The following EYS variants were observed in gnomAD, a reference collection of about 807,000 sequenced individuals.
EYS encodes the protein EGF-like photoreceptor maintenance factor, also known as protein eyes shut homolog.
A neutral mutation model predicts 282.1 loss-of-function variants in EYS; 250 were observed. That is an observed-to-expected ratio of 0.89 (90% confidence interval 0.80 to 0.98). The LOEUF is 0.98. Ranked by LOEUF, EYS falls within the 50% of genes least tolerant of loss-of-function variation. The probability of loss-of-function intolerance (pLI) is 0.00; values close to 1 mark genes in which losing one functional copy is unlikely to be tolerated. For missense variants in EYS, 4,016 were observed against 3,709.0 expected (o/e 1.08, Z -2.15); for synonymous variants, 1,355 against 1,282.9 (o/e 1.06, Z -1.20).
chr6:64,748,369 G>A (rs966040397), intron 22 of EYS, among the ~76,000 whole-genome samples: 4 of 152,170 alleles, frequency 2.6e-5, no homozygotes, highest in Admixed American at 6.5e-5. Context: ...GGGTGAGGAG[G>A]AACGGTTTCA....
chr6:64,825,258 G>A lies in EYS; in HGVS notation c.2993-2436C>T, dbSNP rs141927012. On this transcript the variant is annotated intron_variant, in intron 19 of 42. Transcript: ENST00000503581. The stretch of plus-strand genomic sequence containing the variant: ...CCACACAATACAAAATTGCATTCTC[G>A]TCTTAATCCGCAATTGCCATTATCC... Among the ~76,000 whole-genome samples the A allele has an allele frequency of 7.2e-5, 11 of 151,834 alleles. No individual in the cohort carries two copies. In the South Asian group the frequency reaches 1.2e-3, roughly 17 times the overall value.
intron 12 of EYS, among the ~76,000 whole-genome samples, chr6:65,266,887 CAT>C (rs10571039): frequency 0.15 from 20,431 of 139,232 alleles, 1,685 homozygotes; most frequent in African/African-American, 0.25. Flanking sequence ...AATGTGTGTG[CAT>C]ATATATATAT....
chr6:64,630,683 CTTGTTATTTGCAAAGGGCCCATG>C (rs1767750272), intron 22 of EYS, among the ~76,000 whole-genome samples: 1 of 152,052 alleles, frequency 6.6e-6, no homozygotes, highest in African/African-American at 2.4e-5. Context: ...CAGTCATCTT[CTTGTTATTTGCAAAGGGCCCATG>C]ATTTCAATTT....
chr6:64,670,001 T>TA (rs1228270321), intron 22 of EYS, among the ~76,000 whole-genome samples: 1 of 152,156 alleles, frequency 6.6e-6, no homozygotes, highest in African/African-American at 2.4e-5. Flanking sequence ...GTAAATCTTT[T>TA]AAAAACTCTT....
chr6:65,154,264 G>T lies in EYS; in HGVS notation c.2024-96537C>A, dbSNP rs1439240379. ...TTCACGTAGGTACAGGTGAAAGGAAGAATAAACTGCCTTAAAATGGACAAA... is the reference window on the plus strand; with the variant it reads ...TTCACGTAGGTACAGGTGAAAGGAATAATAAACTGCCTTAAAATGGACAAA... On this transcript the variant is annotated intron_variant, in intron 12 of 42. Coordinates refer to ENST00000503581, the MANE Select transcript of EYS (RefSeq NM_001142800.2). Among the ~76,000 whole-genome samples the T allele has an allele frequency of 9.9e-5, 15 of 150,902 alleles. No homozygotes were observed. The Admixed American group carries it at 9.9e-4, about 10-fold the overall frequency.
intron 5 of EYS, among the ~76,000 whole-genome samples, chr6:65,460,006 AT>A (rs1764769231): frequency 2.1e-5 from 2 of 96,232 alleles, no homozygotes; most frequent in South Asian, 6.1e-4. Context: ...ATATATATAT[AT>A]AATTTTATTG....
At chr6:64,132,729 T>C (rs1448034499) in intron 31 of EYS, among the ~76,000 whole-genome samples, 1 of 151,950 alleles carries the variant, frequency 6.6e-6, no homozygotes, top group East Asian at 1.9e-4. Flanking sequence ...GTATATTCAA[T>C]ACTATTTGTC....
intron 8 of EYS, among the ~76,000 whole-genome samples, chr6:65,371,592 T>C (rs1025702453): frequency 6.6e-6 from 1 of 151,920 alleles, no homozygotes; most frequent in South Asian, 2.1e-4. Context: ...ATCAATGTTA[T>C]TGTAGAGCAA....
At chr6:64,372,319 A>C (rs1561956717) in intron 29 of EYS, among the ~76,000 whole-genome samples, 1 of 151,940 alleles carries the variant, frequency 6.6e-6, no homozygotes, top group Non-Finnish European at 1.5e-5. Flanking sequence ...CTGAATATGA[A>C]ATCCTTGGAT....
At chr6:64,664,523 T>TA (rs1345153280) in intron 22 of EYS, among the ~76,000 whole-genome samples, 1 of 152,294 alleles carries the variant, frequency 6.6e-6, no homozygotes, top group East Asian at 1.9e-4. Context: ...CCAAAAGAGT[T>TA]AAAAAACACT....
chr6:65,395,779 T>C (rs532801806), intron 7 of EYS, among the ~76,000 whole-genome samples: 1 of 152,310 alleles, frequency 6.6e-6, no homozygotes, highest in South Asian at 2.1e-4. Flanking sequence ...TTACTATTTC[T>C]ATGTCTTGGA....
At chr6:65,262,001 C>T (rs1767634660) in intron 12 of EYS, among the ~76,000 whole-genome samples, 1 of 152,002 alleles carries the variant, frequency 6.6e-6, no homozygotes, top group Non-Finnish European at 1.5e-5. Context: ...ATCAAATCTT[C>T]CCTCCTTAGA....
At chr6:65,456,731 A>AAC (rs398110202) in intron 5 of EYS, among the ~76,000 whole-genome samples, 1 of 151,814 alleles carries the variant, frequency 6.6e-6, no homozygotes, top group Non-Finnish European at 1.5e-5. Context: ...AAAAAAAAAA[A>AAC]CCTCACAACA....
intron 1 of EYS, among the ~76,000 whole-genome samples, chr6:65,677,593 T>C (rs1384190259): frequency 6.6e-6 from 1 of 151,962 alleles, no homozygotes; most frequent in African/African-American, 2.4e-5. Context: ...GTATAAATAT[T>C]GGAAGCCTTA....
At chr6:65,606,283 T>C (rs1162672276) in intron 2 of EYS, among the ~76,000 whole-genome samples, 1 of 151,764 alleles carries the variant, frequency 6.6e-6, no homozygotes, top group Non-Finnish European at 1.5e-5. Context: ...AATGATCACA[T>C]CAAAGTAAAA....
intron 22 of EYS, among the ~76,000 whole-genome samples, chr6:64,736,475 A>G (rs1772185113): frequency 1.3e-5 from 2 of 152,184 alleles, no homozygotes; most frequent in Admixed American, 6.5e-5. Flanking sequence ...GTATTGCACT[A>G]ACTCTATGAC....
At position 63,721,239 on chromosome 6, in the gene EYS, T is replaced by A. The variant is rs1259514472; in HGVS notation, c.8792A>T (p.Gln2931Leu). ...CLHQSLCIPD[Q>L]SFSYSCLCTL... ...ACACAGGCAACTGTAAGAAAATGAT[T>A]GGTCAGGTATACATAAAGATTGGTG... Residue 2931 changes from glutamine to leucine, a missense_variant, in exon 43 of 43, where the codon CAA (glutamine) becomes CTA (leucine). Coordinates refer to ENST00000503581, the MANE Select transcript of EYS (RefSeq NM_001142800.2). 1 of 1,551,802 alleles carries A rather than the reference T, an allele frequency of 6.4e-7. No individual in the cohort carries two copies. The highest frequency in any genetic ancestry group is 2.0e-5 in the Admixed American group (1 of 50,976).
In EYS at chr6:64,822,813, C is replaced by T. The variant is rs1457187385; in HGVS notation, c.3002G>A (p.Cys1001Tyr). The T allele has an allele frequency of 1.9e-6, 3 of 1,548,308 alleles. No individual in the cohort carries two copies. The highest frequency in any genetic ancestry group is 8.7e-7 in the Non-Finnish European group (1 of 1,145,200). Reference sequence around the variant, plus strand: ...TAGGCATTCATCTAGATTTATTTCACAGTTGATGCCTGTGTTGGAACAGAC... The same window carrying T: ...TAGGCATTCATCTAGATTTATTTCATAGTTGATGCCTGTGTTGGAACAGAC... ...LCAPGYTGINCEINLDECLSE... is the reference protein window; with the variant it reads ...LCAPGYTGINYEINLDECLSE... The change falls in exon 20 of 43, where the codon TGT (cysteine) becomes TAT (tyrosine). Residue 1001 changes from cysteine to tyrosine, a missense_variant. Transcript: ENST00000503581.
At chr6:65,310,930 T>C (rs1184962525) in intron 11 of EYS, among the ~76,000 whole-genome samples, 2 of 152,086 alleles carry the variant, frequency 1.3e-5, no homozygotes, top group Non-Finnish European at 2.9e-5. Context: ...ATTTATTTCT[T>C]ACTAGAAGGT....
Sources: gnomAD v4.1 joint callset for allele counts (sites outside exome capture counted in the v4.1 genomes callset) on GRCh38, gnomAD v4.1.1 for gene constraint, MANE v1.5 for transcripts, NCBI Gene and HGNC (gene_info 2026-07-23, HGNC 2026-07-21) for gene names.